TCF20: variants seen among roughly 807,000 people sequenced by gnomAD.
TCF20 encodes the protein transcription factor 20.
A neutral mutation model predicts 148.6 loss-of-function variants in TCF20; 3 were observed. That is an observed-to-expected ratio of 0.02 (90% confidence interval 0.01 to 0.05). The LOEUF is 0.05. Ranked by LOEUF, TCF20 falls within the 10% of genes least tolerant of loss-of-function variation. The probability of loss-of-function intolerance (pLI) is 1.00; values close to 1 mark genes in which losing one functional copy is unlikely to be tolerated. For missense variants in TCF20, 2,350 were observed against 2,429.3 expected, an observed-to-expected ratio of 0.97 and a Z score of 0.69; for synonymous variants, 1,049 against 909.5, an observed-to-expected ratio of 1.15 and a Z score of -2.76.
chr22:42,270,781 C>G (rs1468613700), upstream of TCF20, among the ~76,000 whole-genome samples: 1 of 145,214 alleles, frequency 6.9e-6, no homozygotes, highest in Non-Finnish European at 1.5e-5. Flanking sequence ...GCCGGGCGCG[C>G]GCGTGCCCAC....
intron 1 of TCF20, among the ~76,000 whole-genome samples, chr22:42,258,502 T>G (rs1368322732): frequency 1.3e-5 from 2 of 152,198 alleles, no homozygotes; most frequent in Non-Finnish European, 2.9e-5. Flanking sequence ...AACACCATCC[T>G]GTGTGCTGGC....
intron 1 of TCF20, among the ~76,000 whole-genome samples, chr22:42,282,707 A>G (rs762997): frequency 0.75 from 113,657 of 152,120 alleles, 42,857 homozygotes; most frequent in African/African-American, 0.82. Flanking sequence ...GGGAGGCCGG[A>G]GAGCTGGGAC....
chr22:42,211,562 T>C lies in TCF20; in HGVS notation c.3744A>G (p.Gln1248=). ...RLPGQEDHSS[Q]NPLIMRRRVR... ...CACGCCTCCTCATGATTAAGGGGTT[T>C]TGAGAAGAATGATCCTCCTGGCCTG... Residue 1248 remains glutamine, a synonymous_variant, in exon 2 of 6, where the codon CAA becomes CAG. Transcript: ENST00000677622. 2 of 1,614,208 alleles carry C rather than the reference T, an allele frequency of 1.2e-6. No individual in the cohort carries two copies. The highest frequency in any genetic ancestry group is 1.7e-6 in the Non-Finnish European group (2 of 1,180,036).
Position 42,211,224 on chromosome 22 carries a change from G to A in TCF20, c.4082C>T (p.Ser1361Phe). 2 of 1,614,128 alleles carry A rather than the reference G, an allele frequency of 1.2e-6. No homozygotes were observed. The highest frequency in any genetic ancestry group is 8.5e-7 in the Non-Finnish European group (1 of 1,180,034). Residue 1361 changes from serine to phenylalanine, a missense_variant, in exon 2 of 6, where the codon TCC (serine) becomes TTC (phenylalanine). Transcript: ENST00000677622. Reference sequence around the variant, plus strand: ...AGATGCGCTCCTCCTAATATTTGGGGATGTAATCTTCTGAACTATAGCTTC... The same window carrying A: ...AGATGCGCTCCTCCTAATATTTGGGAATGTAATCTTCTGAACTATAGCTTC... ...KLEAIVQKIT[S>F]PNIRRSASSN...
chr22:42,239,954 A>C (rs1924248042), intron 1 of TCF20, among the ~76,000 whole-genome samples: 1 of 152,192 alleles, frequency 6.6e-6, no homozygotes, highest in Admixed American at 6.5e-5. Flanking sequence ...TTTATAAAAC[A>C]AAAAAATCCC....
At chr22:42,333,340 G>A (rs1282662054) in intron 1 of TCF20, among the ~76,000 whole-genome samples, 1 of 152,130 alleles carries the variant, frequency 6.6e-6, no homozygotes, top group African/African-American at 2.4e-5. Context: ...GGCAGGAGCT[G>A]CCTCGCTGTG....
intron 1 of TCF20, among the ~76,000 whole-genome samples, chr22:42,330,794 T>C (rs1331383676): frequency 1.3e-5 from 2 of 152,144 alleles, no homozygotes; most frequent in Admixed American, 6.5e-5. Context: ...TCAGCCTGAA[T>C]TCAGAAACTT....
At chr22:42,199,107 T>A (rs1937799670) in intron 2 of TCF20, among the ~76,000 whole-genome samples, 1 of 152,218 alleles carries the variant, frequency 6.6e-6, no homozygotes, top group Admixed American at 6.5e-5. Context: ...ATATGTTGGG[T>A]TATCAGGATT....
At chr22:42,192,968 G>A (rs1211173515) in intron 2 of TCF20, among the ~76,000 whole-genome samples, 3 of 152,204 alleles carry the variant, frequency 2.0e-5, no homozygotes, top group Non-Finnish European at 4.4e-5. Flanking sequence ...AAAAAACACA[G>A]ACTGAGGACA....
intron 1 of TCF20, among the ~76,000 whole-genome samples, chr22:42,323,867 T>TGGAGGTGGTGGCGGAGGTTATGGC (rs1177829827): frequency 3.3e-5 from 4 of 121,838 alleles, no homozygotes; most frequent in Non-Finnish European, 7.6e-5. Context: ...GTTATGGTGG[T>TGGAGGTGGTGGCGGAGGTTATGGC]GGTGGTGGTG....
chr22:42,167,609 G>A (rs949290044), intron 5 of TCF20, among the ~76,000 whole-genome samples: 3 of 152,208 alleles, frequency 2.0e-5, no homozygotes, highest in African/African-American at 2.4e-5. Context: ...TCAGAGGCCT[G>A]CAGCTTCTAG....
At chr22:42,231,410 A>C (rs1332044013) in intron 1 of TCF20, among the ~76,000 whole-genome samples, 2 of 152,070 alleles carry the variant, frequency 1.3e-5, no homozygotes, top group Non-Finnish European at 2.9e-5. Context: ...TGAGCCCAGG[A>C]GTTTGAGGTT....
intron 1 of TCF20, among the ~76,000 whole-genome samples, chr22:42,310,468 A>G (rs1927514313): frequency 2.0e-5 from 3 of 151,008 alleles, no homozygotes; most frequent in Admixed American, 2.0e-4. Context: ...GTGCTAAGAG[A>G]CTGTCGACAA....
At position 42,217,758 on chromosome 22, in the gene TCF20, C is replaced by T. The variant is rs912408379; in HGVS notation, c.-36-2417G>A. 3.3e-5 allele frequency among the ~76,000 whole-genome samples: 5 copies of T among 152,250 alleles called. 1 individual carries two copies. Among genetic ancestry groups the T allele is most frequent in the African/African-American group, 1.2e-4 (5 of 41,538 alleles). On this transcript the variant is annotated intron_variant, in intron 1 of 5. Coordinates refer to ENST00000677622, the MANE Select transcript of TCF20 (RefSeq NM_001378418.1). ...CCTTGCCTGTAAAATCCCATGAGTC[C>T]GGTTCTAAGGGAAAGACCCAGCTTG... is the stretch of plus-strand genomic sequence containing the variant.
At position 42,330,354 on chromosome 22, in the gene TCF20, T is replaced by G. The variant is rs557078374; in HGVS notation, c.-37+13125A>C. The stretch of plus-strand genomic sequence containing the variant: ...CACTGACGTTTGCAGTGTCCCCGGG[T>G]GCCCAACATCCCTCCAAACACCTCG... On this transcript the variant is annotated intron_variant, in intron 1 of 1. Coordinates refer to the TCF20 transcript ENST00000515426. Among the ~76,000 whole-genome samples the G allele has an allele frequency of 7.9e-5, 12 of 152,222 alleles. 1 individual carries two copies. The highest frequency in any genetic ancestry group is 2.9e-4 in the African/African-American group (12 of 41,518).
intron 3 of TCF20, among the ~76,000 whole-genome samples, chr22:42,172,046 C>T (rs185675221): frequency 1.4e-4 from 22 of 152,348 alleles, no homozygotes; most frequent in Middle Eastern, 3.4e-3. Flanking sequence ...TGCACGCTAA[C>T]GACAACTTGA....
In TCF20 at chr22:42,270,481, G is replaced by C. The variant is rs1472782904; in HGVS notation, c.-179C>G. 6.9e-6 allele frequency among the ~76,000 whole-genome samples: 1 copy of C among 144,864 alleles called. No individual in the cohort carries two copies. The highest frequency in any genetic ancestry group is 2.5e-5 in the African/African-American group (1 of 40,494). ...GCTCGGGCGCCCGGGCCGGCGGCGGGGCGGGCCGGGGCCGCGGCCCCTCGA... is the reference window on the plus strand; with the variant it reads ...GCTCGGGCGCCCGGGCCGGCGGCGGCGCGGGCCGGGGCCGCGGCCCCTCGA... On this transcript the variant is annotated 5_prime_UTR_variant, in exon 1 of 6. Coordinates refer to ENST00000677622, the MANE Select transcript of TCF20 (RefSeq NM_001378418.1).
rs11704210 is a variant in TCF20 at position 42,177,301 on chromosome 22, G to A, written c.5749+2308C>T. 1.1e-3 allele frequency among the ~76,000 whole-genome samples: 167 copies of A among 152,098 alleles called. 2 individuals carry two copies. The highest frequency in any genetic ancestry group is 2.1e-3 in the Non-Finnish European group (141 of 68,018). ...ATGGTGGTGGGCGCCTGTAGTCCCA[G>A]CTACTCGGGAGGCTGTGGCAGGAGA... On this transcript the variant is annotated intron_variant, in intron 3 of 5. Transcript: ENST00000677622.
At chr22:42,293,137 A>G (rs1485818421) in intron 1 of TCF20, among the ~76,000 whole-genome samples, 1 of 152,020 alleles carries the variant, frequency 6.6e-6, no homozygotes, top group African/African-American at 2.4e-5. Flanking sequence ...AAAAGATTCA[A>G]TAGTGTAGTG....
Sources: gnomAD v4.1 joint callset for allele counts (sites outside exome capture counted in the v4.1 genomes callset) on GRCh38, gnomAD v4.1.1 for gene constraint, MANE v1.5 for transcripts, NCBI Gene and HGNC (gene_info 2026-07-23, HGNC 2026-07-21) for gene names.